Variants in BRWD1 observed in about 807,000 individuals in gnomAD.
BRWD1 encodes the protein bromodomain and WD repeat domain containing 1.
In BRWD1, 82 loss-of-function variants were observed where a neutral mutation model predicts 251.2. The ratio of observed to expected loss-of-function variants is 0.33; its 90% confidence interval spans 0.27 to 0.39. The LOEUF is 0.39. Among genes scored for constraint, BRWD1 ranks in the 10% least tolerant of loss-of-function variants. The probability of loss-of-function intolerance (pLI) is 1.00; values close to 1 mark genes in which losing one functional copy is unlikely to be tolerated. For synonymous variants in BRWD1, 918 were observed against 902.8 expected, an observed-to-expected ratio of 1.02 and a Z score of -0.30; for missense variants, 2,233 against 2,711.6, an observed-to-expected ratio of 0.82 and a Z score of 3.92.
In BRWD1 at chr21:39,298,675, A is replaced by G. The variant is rs1438715784; in HGVS notation, c.199-93T>C. On this transcript the variant is annotated intron_variant, in intron 4 of 40. Transcript: ENST00000342449. Reference sequence around the variant, plus strand: ...AAGTCTGGCAAAATGTGAAAAACATACACTGAAAACTGTAAAACATGCTGA... The same window carrying G: ...AAGTCTGGCAAAATGTGAAAAACATGCACTGAAAACTGTAAAACATGCTGA... 3.0e-6 allele frequency: 3 copies of G among 991,398 alleles called. No homozygotes were observed. In the African/African-American group the frequency reaches 5.0e-5, roughly 17 times the overall value. 61.4% of individuals were successfully genotyped at this position (991,398 alleles called of 1,614,324 possible). A position where few individuals can be genotyped will look rare whatever the true frequency, so the allele number is the denominator to read the frequency against.
chr21:39,295,559 A>G (rs1026532504), intron 7 of BRWD1, among the ~76,000 whole-genome samples, 184 bp downstream of exon 7: 1 of 152,150 alleles, frequency 6.6e-6, no homozygotes, highest in Non-Finnish European at 1.5e-5. Flanking sequence ...GTCTTTCAAA[A>G]CAGCACAGAG....
rs111386718 is a variant in BRWD1 at position 39,193,128 on chromosome 21, G to C, written c.*3131C>G. On this transcript the variant is annotated 3_prime_UTR_variant, in exon 41 of 41. Transcript: ENST00000342449. The stretch of plus-strand genomic sequence containing the variant: ...CCTTTTCCATTTGCCCTTCTGTTTT[G>C]AAGTGCTTTTTCTTAAAACTTAAGT... The C allele has an allele frequency of 2.8e-3, 2,715 of 984,890 alleles. 61 individuals are homozygous for C. The African/African-American group carries it at 0.045, about 16-fold the overall frequency. The allele number at this position is 984,890 out of a possible 1,614,324, so 61.0% of individuals were successfully genotyped here. A position where few individuals can be genotyped will look rare whatever the true frequency, so the allele number is the denominator to read the frequency against.
chr21:39,190,669 C>T lies in BRWD1; in HGVS notation c.*5590G>A, dbSNP rs2031504667. 1.0e-6 allele frequency: 1 copy of T among 985,260 alleles called. No individual in the cohort carries two copies. The highest frequency in any genetic ancestry group is 1.2e-6 in the Non-Finnish European group (1 of 829,916). The allele number at this position is 985,260 out of a possible 1,614,324, so 61.0% of individuals were successfully genotyped here. On this transcript the variant is annotated 3_prime_UTR_variant, in exon 41 of 41. Coordinates refer to ENST00000342449, the MANE Select transcript of BRWD1 (RefSeq NM_033656.4). ...ATTTATCAATGATCTTCATCCCTCC[C>T]AAAGCAGAAGTTTCCAAAAACATCC...
In BRWD1 at chr21:39,188,438, T is replaced by C; in HGVS notation, c.*7821A>G. 4 of 985,324 alleles carry C rather than the reference T, an allele frequency of 4.1e-6. No homozygotes were observed. Among genetic ancestry groups the C allele is most frequent in the Non-Finnish European group, 4.8e-6 (4 of 829,848 alleles). 61.0% of individuals were successfully genotyped at this position (985,324 alleles called of 1,614,324 possible). A position where few individuals can be genotyped will look rare whatever the true frequency, so the allele number is the denominator to read the frequency against. ...GACTCCACCACATTCTTTTTACTAC[T>C]AAGTACTAGAAAATGAGAGCTCTTT... is the stretch of plus-strand genomic sequence containing the variant. On this transcript the variant is annotated 3_prime_UTR_variant, in exon 41 of 41. Coordinates refer to ENST00000342449, the MANE Select transcript of BRWD1 (RefSeq NM_033656.4).
At position 39,196,638 on chromosome 21, in the gene BRWD1, G is replaced by A; in HGVS notation, c.6431C>T (p.Thr2144Ile). The change falls in exon 41 of 41, where the codon ACT (threonine) becomes ATT (isoleucine). Residue 2144 changes from threonine (T) to isoleucine (I), a missense_variant. Physicochemically the swap from Thr to Ile is moderately conservative, Grantham distance 89. Transcript: ENST00000342449. ...ATCAGGTCTAAACTTTGAATTCCCAGTTGTTTCAGAGATTTTCACATTTTC... is the reference window on the plus strand; with the variant it reads ...ATCAGGTCTAAACTTTGAATTCCCAATTGTTTCAGAGATTTTCACATTTTC... ...ELENVKISET[T>I]GNSKFRPDTS... is the part of the protein sequence containing the mutation. 1 of 1,613,722 alleles carries A rather than the reference G, an allele frequency of 6.2e-7. No individual in the cohort carries two copies. Among genetic ancestry groups the A allele is most frequent in the Non-Finnish European group, 8.5e-7 (1 of 1,179,842 alleles).
At chr21:39,204,567 A>C (rs2032299557) in intron 37 of BRWD1, among the ~76,000 whole-genome samples, 1 of 152,328 alleles carries the variant, frequency 6.6e-6, no homozygotes, top group Non-Finnish European at 1.5e-5. Context: ...ACATTGTATC[A>C]AGGGTACATT....
chr21:39,313,699 G>T, upstream of BRWD1: 1 of 386,720 alleles, frequency 2.6e-6, no homozygotes, highest in South Asian at 5.1e-5. Context: ...CCCTCCGCGG[G>T]GGGCGGGGGT....
intron 21 of BRWD1, among the ~76,000 whole-genome samples, chr21:39,243,109 G>A (rs2034059115): frequency 6.6e-6 from 1 of 152,112 alleles, no homozygotes; most frequent in South Asian, 2.1e-4. Flanking sequence ...ACCACCTTAG[G>A]AAGTGATCAA....
At chr21:39,222,005 G>A (rs2033196050) in intron 29 of BRWD1, among the ~76,000 whole-genome samples, 1 of 151,694 alleles carries the variant, frequency 6.6e-6, no homozygotes, top group Non-Finnish European at 1.5e-5. Context: ...AGGCATCAGA[G>A]AAAGGCAAAT....
chr21:39,313,587 G>GCA lies in BRWD1; in HGVS notation c.-97_-96insTG. 2 of 980,652 alleles carry GCA rather than the reference G, an allele frequency of 2.0e-6. No homozygotes were observed. Among genetic ancestry groups the GCA allele is most frequent in the Non-Finnish European group, 1.3e-6 (1 of 794,548 alleles). The allele number at this position is 980,652 out of a possible 1,614,324, so 60.7% of individuals were successfully genotyped here. On this transcript the variant is annotated 5_prime_UTR_variant, in exon 1 of 41. It removes the in-frame stop codon of an upstream open reading frame in the 5' UTR. Coordinates refer to ENST00000342449, the MANE Select transcript of BRWD1 (RefSeq NM_033656.4). The stretch of plus-strand genomic sequence containing the variant: ...GGGCTGGCGTCCCCTCTTCTCAGGC[G>GCA]CGCGCCGCCGCCGCCGCCGCCGCCG...
intron 21 of BRWD1, 67 bp from the exon 22 acceptor site, chr21:39,238,640 C>A: frequency 9.6e-7 from 1 of 1,038,584 alleles, no homozygotes; most frequent in Non-Finnish European, 1.5e-6. Context: ...CAGAAAAAAG[C>A]TGTACACAAT....
chr21:39,310,571 G>C (rs544637588), intron 4 of BRWD1, among the ~76,000 whole-genome samples: 36 of 151,896 alleles, frequency 2.4e-4, no homozygotes, highest in Admixed American at 3.9e-4. Context: ...AGGTTGCAGT[G>C]AGCCGAGGCT....
chr21:39,298,143 T>C (rs1267394818), intron 5 of BRWD1: 1 of 1,053,952 alleles, frequency 9.5e-7, no homozygotes, highest in East Asian at 6.9e-5. Flanking sequence ...AGCTACAAAA[T>C]GGAAAATTAA....
chr21:39,233,849 G>A (rs1397843125), intron 23 of BRWD1, among the ~76,000 whole-genome samples: 4 of 152,100 alleles, frequency 2.6e-5, no homozygotes, highest in Admixed American at 6.6e-5. Flanking sequence ...GTGAAACCCC[G>A]TCTCTATGAA....
At chr21:39,316,860 C>A (rs559150383), upstream of BRWD1, among the ~76,000 whole-genome samples, 21 of 135,306 alleles carry the variant, frequency 1.6e-4, no homozygotes, top group Admixed American at 6.5e-4. Flanking sequence ...ATGGCTAGAG[C>A]CGGGGGGGAT....
intron 23 of BRWD1, among the ~76,000 whole-genome samples, chr21:39,232,888 G>A (rs1000973954): frequency 1.6e-4 from 25 of 152,212 alleles, no homozygotes; most frequent in African/African-American, 5.5e-4. Flanking sequence ...TTGTAAGACC[G>A]GTGATTTCAA....
intron 15 of BRWD1, among the ~76,000 whole-genome samples, chr21:39,266,320 T>C (rs2034922196): frequency 6.6e-6 from 1 of 152,218 alleles, no homozygotes; most frequent in Non-Finnish European, 1.5e-5. Context: ...ATTATATATT[T>C]TTTTTCCTCC....
At position 39,263,768 on chromosome 21, in the gene BRWD1, G is replaced by C. The variant is rs553070005; in HGVS notation, c.1885+692C>G. ...AAACTTTGACAATGAACAGGTTATT[G>C]ACATATCTCCCCACAAATTACTATT... is the stretch of plus-strand genomic sequence containing the variant. On this transcript the variant is annotated intron_variant, in intron 17 of 40. Transcript: ENST00000342449. 2.9e-4 allele frequency among the ~76,000 whole-genome samples: 44 copies of C among 152,242 alleles called. No individual in the cohort carries two copies. The South Asian group carries it at 9.1e-3, about 32-fold the overall frequency.
At chr21:39,271,284 T>C (rs1601428793) in intron 13 of BRWD1, among the ~76,000 whole-genome samples, 1 of 152,078 alleles carries the variant, frequency 6.6e-6, no homozygotes, top group East Asian at 1.9e-4. Flanking sequence ...AGAGCAAGAC[T>C]ACGTTCTCAA....
Sources: gnomAD v4.1 joint callset for allele counts (sites outside exome capture counted in the v4.1 genomes callset) on GRCh38, gnomAD v4.1.1 for gene constraint, MANE v1.5 for transcripts, NCBI Gene and HGNC (gene_info 2026-07-23, HGNC 2026-07-21) for gene names.